Variants in CDH18 observed in about 807,000 individuals in gnomAD.
The protein encoded by CDH18 is cadherin-18.
CDH18 carries 31 observed loss-of-function variants against 67.9 expected under a neutral mutation model. That is an observed-to-expected ratio of 0.46 (90% CI 0.34 to 0.62). CDH18 has a LOEUF of 0.62. CDH18 is among the 20% of genes least tolerant of loss of function. The pLI is 0.01. For missense variants in CDH18, 890 were observed against 975.5 expected, an observed-to-expected ratio of 0.91 and a Z score of 1.17; for synonymous variants, 362 against 347.2, an observed-to-expected ratio of 1.04 and a Z score of -0.48.
chr5:20,392,880 A>G (rs1014674459), intron 1 of CDH18, among the ~76,000 whole-genome samples: 2 of 151,926 alleles, frequency 1.3e-5, no homozygotes, highest in Non-Finnish European at 2.9e-5. Context: ...TTCCATTTAC[A>G]ATAAAATTTA....
Position 20,169,395 on chromosome 5 carries a change from C to T in CDH18, c.-518+86049G>A, listed in dbSNP as rs1736532589. 2.0e-5 allele frequency among the ~76,000 whole-genome samples: 3 copies of T among 152,038 alleles called. No homozygotes were observed. The South Asian group carries it at 6.2e-4, about 31-fold the overall frequency. ...AGACATATTTTAAATTTCTAGAAAACATTTCCAAACAAAGGAGGAACATTG... is the reference window on the plus strand; with the variant it reads ...AGACATATTTTAAATTTCTAGAAAATATTTCCAAACAAAGGAGGAACATTG... On this transcript the variant is annotated intron_variant, in intron 2 of 14. Transcript: ENST00000507958.
chr5:20,538,896 C>CTTTTT (rs775628726), intron 1 of CDH18, among the ~76,000 whole-genome samples: 17 of 69,112 alleles, frequency 2.5e-4, no homozygotes, highest in East Asian at 9.7e-4. Context: ...ACATAGCCAA[C>CTTTTT]TGTTTTTTTT....
chr5:20,117,775 AC>A (rs1160935363), intron 2 of CDH18, among the ~76,000 whole-genome samples: 26 of 152,200 alleles, frequency 1.7e-4, no homozygotes, highest in African/African-American at 6.3e-4. Flanking sequence ...GAATCGAACA[AC>A]CATTTTAAGG....
intron 2 of CDH18, among the ~76,000 whole-genome samples, chr5:20,189,163 G>A (rs1421252876): frequency 2.0e-5 from 3 of 151,988 alleles, no homozygotes; most frequent in Non-Finnish European, 4.4e-5. Context: ...CACTTTGCCT[G>A]TTTTTTATTT....
chr5:19,631,814 G>T (rs1032466673), intron 5 of CDH18, among the ~76,000 whole-genome samples: 5 of 151,890 alleles, frequency 3.3e-5, no homozygotes, highest in African/African-American at 1.2e-4. Context: ...TATTTGGAAG[G>T]ATTTCTGTCT....
At chr5:19,754,461 A>G (rs1289289001) in intron 3 of CDH18, among the ~76,000 whole-genome samples, 1 of 152,208 alleles carries the variant, frequency 6.6e-6, no homozygotes, top group African/African-American at 2.4e-5. Context: ...ACAGGAAAAT[A>G]TCACAATCTT....
chr5:20,138,668 T>C (rs1433541162), intron 2 of CDH18, among the ~76,000 whole-genome samples: 1 of 152,058 alleles, frequency 6.6e-6, no homozygotes, highest in Non-Finnish European at 1.5e-5. Context: ...TATACACCAA[T>C]AGCAGACAAA....
At chr5:20,103,889 C>T (rs1204191139) in intron 2 of CDH18, among the ~76,000 whole-genome samples, 2 of 150,992 alleles carry the variant, frequency 1.3e-5, no homozygotes, top group Admixed American at 1.3e-4. Flanking sequence ...CCTGTACTAC[C>T]CCTTTTCTAT....
intron 1 of CDH18, among the ~76,000 whole-genome samples, chr5:20,474,853 T>C (rs998455514): frequency 6.6e-6 from 1 of 152,184 alleles, no homozygotes; most frequent in Admixed American, 6.5e-5. Flanking sequence ...TGCAACCAAA[T>C]AACCTCTAAG....
intron 2 of CDH18, among the ~76,000 whole-genome samples, chr5:20,218,957 A>G (rs1270086514): frequency 6.6e-6 from 1 of 152,030 alleles, no homozygotes; most frequent in East Asian, 1.9e-4. Context: ...TGCTGATGTA[A>G]CATAAGAATT....
chr5:19,594,409 C>T (rs1745834359), intron 6 of CDH18, among the ~76,000 whole-genome samples: 1 of 152,102 alleles, frequency 6.6e-6, no homozygotes, highest in African/African-American at 2.4e-5. Flanking sequence ...TCTCTGCCTT[C>T]CAAAGTGCTG....
chr5:19,672,267 G>A (rs1008558425), intron 5 of CDH18, among the ~76,000 whole-genome samples: 1 of 152,018 alleles, frequency 6.6e-6, no homozygotes, highest in African/African-American at 2.4e-5. Context: ...AGCTGAGTGA[G>A]GTCCAGCAAG....
chr5:20,049,989 A>C (rs1345529590), intron 2 of CDH18, among the ~76,000 whole-genome samples: 2 of 151,818 alleles, frequency 1.3e-5, no homozygotes, highest in Non-Finnish European at 3.0e-5. Context: ...AATGATTAAA[A>C]ATGTGAAATA....
At chr5:19,518,001 C>A (rs17217127) in intron 10 of CDH18, among the ~76,000 whole-genome samples, 43,138 of 151,520 alleles carry the variant, frequency 0.28, 6,284 homozygotes, top group South Asian at 0.38. Flanking sequence ...AATATTTTTT[C>A]ATCAACTGTG....
At chr5:20,350,487 A>T (rs576286231) in intron 1 of CDH18, among the ~76,000 whole-genome samples, 1 of 152,266 alleles carries the variant, frequency 6.6e-6, no homozygotes, top group South Asian at 2.1e-4. Flanking sequence ...CAAAATTATT[A>T]CCTAAAATAT....
At chr5:19,998,101 G>A (rs904700485) in intron 2 of CDH18, among the ~76,000 whole-genome samples, 2 of 152,162 alleles carry the variant, frequency 1.3e-5, no homozygotes, top group African/African-American at 4.8e-5. Context: ...ATTTAAACCA[G>A]GATAATGAAA....
chr5:19,536,324 T>A (rs1474860469), intron 9 of CDH18, among the ~76,000 whole-genome samples: 1 of 152,304 alleles, frequency 6.6e-6, no homozygotes, highest in East Asian at 1.9e-4. Flanking sequence ...TTGAAACAGT[T>A]CTTACCAGTA....
At chr5:20,175,279 A>G (rs1348423069) in intron 2 of CDH18, among the ~76,000 whole-genome samples, 1 of 152,120 alleles carries the variant, frequency 6.6e-6, no homozygotes, top group Non-Finnish European at 1.5e-5. Context: ...ATCAGGTGCT[A>G]AAAACCCCAT....
At chr5:19,990,634 G>T (rs1799928269), upstream of CDH18, among the ~76,000 whole-genome samples, 1 of 152,178 alleles carries the variant, frequency 6.6e-6, no homozygotes, top group Non-Finnish European at 1.5e-5. Flanking sequence ...CAATCCCAAT[G>T]ATGCATACAC....
Sources: gnomAD v4.1 joint callset for allele counts (sites outside exome capture counted in the v4.1 genomes callset) on GRCh38, gnomAD v4.1.1 for gene constraint, MANE v1.5 for transcripts, NCBI Gene and HGNC (gene_info 2026-07-23, HGNC 2026-07-21) for gene names.